ANOS1: variants seen among roughly 807,000 people sequenced by gnomAD.
The protein encoded by ANOS1 is anosmin 1.
Under a neutral mutation model 59.0 loss-of-function variants are expected in ANOS1, and 6 were observed. The observed-to-expected ratio is 0.10, with a 90% CI of 0.06 to 0.20. The LOEUF (loss-of-function observed/expected upper bound fraction) is 0.20. Among genes scored for constraint, ANOS1 ranks in the 10% least tolerant of loss-of-function variants. The pLI is 1.00. For synonymous variants in ANOS1, 217 were observed against 223.4 expected (o/e 0.97, Z 0.25); for missense variants, 433 against 542.3 (o/e 0.80, Z 2.00).
chrX:8,577,280 CACT>C (rs1285485069), intron 6 of ANOS1, among the ~76,000 whole-genome samples: 1 of 111,747 alleles, frequency 8.9e-6, no homozygotes, highest in Non-Finnish European at 1.9e-5. Context: ...CAGTTTGATT[CACT>C]ACTTCAAGAG....
chrX:8,549,620 C>T (rs1380140841), intron 9 of ANOS1, among the ~76,000 whole-genome samples: 1 of 112,297 alleles, frequency 8.9e-6, no homozygotes, highest in African/African-American at 3.2e-5. Context: ...ACATCCTGTC[C>T]TCTCTCTGCA....
intron 3 of ANOS1, among the ~76,000 whole-genome samples, chrX:8,610,248 T>C (rs1026926098): frequency 3.6e-5 from 4 of 110,841 alleles, no homozygotes; most frequent in African/African-American, 1.3e-4. Flanking sequence ...CATTTTTCCA[T>C]GAACTTTCTG....
chrX:8,654,142 C>CTT (rs1174250961), intron 2 of ANOS1, among the ~76,000 whole-genome samples: 3 of 111,852 alleles, frequency 2.7e-5, no homozygotes, highest in Non-Finnish European at 5.6e-5. Flanking sequence ...CTGACACTGC[C>CTT]TTCGTTAAAC....
chrX:8,731,931 C>T lies in ANOS1; in HGVS notation c.106G>A (p.Asp36Asn). The T allele has an allele frequency of 1.7e-6, 2 of 1,147,786 alleles. No individual in the cohort carries two copies. The highest frequency in any genetic ancestry group is 2.7e-5 in the Admixed American group (1 of 37,111). The allele number at this position is 1,147,786 out of a possible 1,213,427, so 94.6% of individuals were successfully genotyped here. Residue 36 changes from aspartate (D) to asparagine (N), a missense_variant, in exon 1 of 14, where the codon GAC (aspartate) becomes AAC (asparagine). By Grantham distance (23) the Asp-to-Asn change is conservative (BLOSUM62 1). Coordinates refer to ENST00000262648, the MANE Select transcript of ANOS1 (RefSeq NM_000216.4). Reference protein sequence around the residue: ...GPGAAAARRLDESLSAGSVQR... With the variant: ...GPGAAAARRLNESLSAGSVQR... ...ACGCTCCCGGCAGACAGCGACTCGT[C>T]CAGCCGCCGCGCAGCAGCCGCGCCG...
chrX:8,710,382 G>C (rs1932805552), intron 1 of ANOS1, among the ~76,000 whole-genome samples: 1 of 111,700 alleles, frequency 9.0e-6, no homozygotes, highest in Admixed American at 9.6e-5. Flanking sequence ...TCCGGTCTCT[G>C]TCAAAGTGTA....
At chrX:8,731,801 A>G (rs1602050478) in intron 1 of ANOS1, 29 bp downstream of exon 1, 2 of 1,172,557 alleles carry the variant, frequency 1.7e-6, no homozygotes, top group Non-Finnish European at 1.1e-6. Context: ...GCAGCCCCAG[A>G]AAGAACCCGG....
In ANOS1 at chrX:8,663,108, C is replaced by T. The variant is rs1195285552; in HGVS notation, c.255+36590G>A. On this transcript the variant is annotated intron_variant, in intron 2 of 13. Coordinates refer to ENST00000262648, the MANE Select transcript of ANOS1 (RefSeq NM_000216.4). ...AAGCCAAGGAGAGAAGCCTGGAACT[C>T]ATCCCTCCCTCATAGCCCTCTCAGA... Among the ~76,000 whole-genome samples, 6 of 111,723 alleles carry T rather than the reference C, an allele frequency of 5.4e-5. No individual in the cohort carries two copies. In the Admixed American group the frequency reaches 5.7e-4, roughly 11 times the overall value.
chrX:8,566,984 G>A (rs771078032), intron 8 of ANOS1, among the ~76,000 whole-genome samples: 65 of 111,559 alleles, frequency 5.8e-4, no homozygotes, highest in Middle Eastern at 4.6e-3. Context: ...CTATGATGAC[G>A]GGGTCCTGCT....
chrX:8,659,424 CTTTT>C (rs1036574685), intron 2 of ANOS1, among the ~76,000 whole-genome samples: 6 of 108,403 alleles, frequency 5.5e-5, no homozygotes, highest in Admixed American at 3.0e-4. Context: ...CTCTCTCTTT[CTTTT>C]TCTTTCTTTC....
chrX:8,556,557 T>C (rs1020545533), intron 8 of ANOS1, among the ~76,000 whole-genome samples: 2 of 111,507 alleles, frequency 1.8e-5, no homozygotes, highest in African/African-American at 6.5e-5. Context: ...AGCCAAATCA[T>C]GAGTGAACTC....
rs1297183440 is a variant in ANOS1 at position 8,532,073 on chromosome X, A to G, written c.*922T>C. 8.9e-6 allele frequency: 1 copy of G among 112,284 alleles called. No individual in the cohort carries two copies. Among genetic ancestry groups the G allele is most frequent in the Non-Finnish European group, 1.9e-5 (1 of 53,222 alleles). The allele number at this position is 112,284 out of a possible 1,213,427, so 9.3% of individuals were successfully genotyped here. A position where few individuals can be genotyped will look rare whatever the true frequency, so the allele number is the denominator to read the frequency against. ...ACAAAGACCTTTCTTTGATTAAGAA[A>G]AGGCAAATCTCTGCAAAGATTTAAA... On this transcript the variant is annotated 3_prime_UTR_variant, in exon 14 of 14. Transcript: ENST00000262648.
chrX:8,713,211 T>G, intron 1 of ANOS1, among the ~76,000 whole-genome samples: 1 of 110,811 alleles, frequency 9.0e-6, no homozygotes, highest in Non-Finnish European at 1.9e-5. Context: ...AAGCTCACAC[T>G]TAATCAATTG....
intron 2 of ANOS1, among the ~76,000 whole-genome samples, chrX:8,680,622 T>G (rs1030588951): frequency 9.0e-6 from 1 of 111,360 alleles, no homozygotes; most frequent in African/African-American, 3.3e-5. Flanking sequence ...TTAAGTGACA[T>G]GGAGGCACCT....
At chrX:8,663,803 GA>G (rs1221751200) in intron 2 of ANOS1, among the ~76,000 whole-genome samples, 1 of 111,558 alleles carries the variant, frequency 9.0e-6, no homozygotes, top group Non-Finnish European at 1.9e-5. Flanking sequence ...ACATTACATG[GA>G]ATCAATCCAA....
rs1226710849 is a variant in ANOS1, at chrX:8,563,175, C to G, written c.1207+5057G>C. Among the ~76,000 whole-genome samples the G allele has an allele frequency of 5.3e-5, 6 of 112,271 alleles. No homozygotes were observed. In the South Asian group the frequency reaches 1.5e-3, roughly 28 times the overall value. On this transcript the variant is annotated intron_variant, in intron 8 of 13. Coordinates refer to ENST00000262648, the MANE Select transcript of ANOS1 (RefSeq NM_000216.4). ...TGTGTGTTACTATAGGTACTTTGCACTATGACTTCTTTTTTCTTACTTTTC... is the reference window on the plus strand; with the variant it reads ...TGTGTGTTACTATAGGTACTTTGCAGTATGACTTCTTTTTTCTTACTTTTC...
At chrX:8,684,765 C>T (rs1932480174) in intron 2 of ANOS1, among the ~76,000 whole-genome samples, 3 of 109,616 alleles carry the variant, frequency 2.7e-5, no homozygotes, top group Admixed American at 9.9e-5. Context: ...TCTTGGGAAA[C>T]ACTGTTCATT....
rs1929488325 is a variant in ANOS1, at chrX:8,530,905, A to C, written c.*2090T>G. 2.7e-5 allele frequency: 3 copies of C among 110,814 alleles called. No homozygotes were observed. Among genetic ancestry groups the C allele is most frequent in the Non-Finnish European group, 1.9e-5 (1 of 52,944 alleles). 9.1% of individuals were successfully genotyped at this position (110,814 alleles called of 1,213,427 possible). A position where few individuals can be genotyped will look rare whatever the true frequency, so the allele number is the denominator to read the frequency against. ...GAAATTTTAAGAACTTGAAATTCAG[A>C]TGCTGGTAATGACACCAGAATAAAA... On this transcript the variant is annotated 3_prime_UTR_variant, in exon 14 of 14. Transcript: ENST00000262648.
At chrX:8,542,421 C>T (rs1318728919) in intron 9 of ANOS1, among the ~76,000 whole-genome samples, 1 of 110,393 alleles carries the variant, frequency 9.1e-6, no homozygotes, top group Non-Finnish European at 1.9e-5. Flanking sequence ...GAGCCTCATT[C>T]CCTGTATCTG....
At chrX:8,610,006 CAAAAAAAAAAA>C (rs1167209336) in intron 3 of ANOS1, among the ~76,000 whole-genome samples, 10 of 9,160 alleles carry the variant, frequency 1.1e-3, no homozygotes, top group African/African-American at 1.8e-3. Flanking sequence ...GACTCCATCT[CAAAAAAAAAAA>C]AAAAAAAAAA....
Sources: gnomAD v4.1 joint callset for allele counts (sites outside exome capture counted in the v4.1 genomes callset) on GRCh38, gnomAD v4.1.1 for gene constraint, MANE v1.5 for transcripts, NCBI Gene and HGNC (gene_info 2026-07-23, HGNC 2026-07-21) for gene names.